The following CHN1 variants were observed in gnomAD, a reference collection of about 807,000 sequenced individuals.
CHN1 encodes the protein N-chimaerin.
CHN1 carries 37 observed loss-of-function variants against 59.5 expected under a neutral mutation model. The observed-to-expected ratio is 0.62, with a 90% confidence interval of 0.48 to 0.82. The LOEUF is 0.82. CHN1 is among the 40% of genes least tolerant of loss of function. The probability of loss-of-function intolerance (pLI) is 0.00; values close to 1 mark genes in which losing one functional copy is unlikely to be tolerated. For missense variants in CHN1, 469 were observed against 571.0 expected (o/e 0.82, Z 1.82); for synonymous variants, 206 against 200.4 (o/e 1.03, Z -0.24).
At chr2:174,957,603 G>C (rs561961622) in intron 1 of CHN1, among the ~76,000 whole-genome samples, 1 of 152,156 alleles carries the variant, frequency 6.6e-6, no homozygotes, top group East Asian at 1.9e-4. Context: ...TCAATCCTAA[G>C]GAGTATGACG....
intron 5 of CHN1, among the ~76,000 whole-genome samples, chr2:174,882,861 C>T (rs1687777920): frequency 6.6e-6 from 1 of 152,030 alleles, no homozygotes; most frequent in South Asian, 2.1e-4. Flanking sequence ...TTAAGTACTA[C>T]AAAATAAATT....
At chr2:174,886,609 G>A (rs763631182) in intron 5 of CHN1, among the ~76,000 whole-genome samples, 2 of 152,168 alleles carry the variant, frequency 1.3e-5, no homozygotes, top group South Asian at 4.1e-4. Context: ...ATAAAGGCAT[G>A]GGTTTTGTGA....
chr2:174,843,792 TAG>T (rs1352858440), intron 7 of CHN1, among the ~76,000 whole-genome samples: 2 of 152,048 alleles, frequency 1.3e-5, no homozygotes, highest in Non-Finnish European at 2.9e-5. Flanking sequence ...TTTTCCGATG[TAG>T]AGAGAGATTA....
At chr2:174,951,979 T>C (rs1690036495) in intron 2 of CHN1, among the ~76,000 whole-genome samples, 185 bp downstream of exon 2, 2 of 152,186 alleles carry the variant, frequency 1.3e-5, no homozygotes, top group South Asian at 2.1e-4. Context: ...CGGAAAACCA[T>C]ATACTGTACA....
intron 2 of CHN1, among the ~76,000 whole-genome samples, chr2:174,949,015 C>T (rs1175967913): frequency 6.6e-6 from 1 of 152,096 alleles, no homozygotes; most frequent in African/African-American, 2.4e-5. Context: ...TGAACAATGC[C>T]TACTACCTCA....
chr2:174,882,355 C>A (rs1017570761), intron 5 of CHN1, among the ~76,000 whole-genome samples: 15 of 152,138 alleles, frequency 9.9e-5, no homozygotes, highest in Admixed American at 8.5e-4. Context: ...AGATGCATTT[C>A]AAGATATACA....
chr2:174,911,607 G>A (rs1688703577), intron 5 of CHN1, among the ~76,000 whole-genome samples: 1 of 152,180 alleles, frequency 6.6e-6, no homozygotes, highest in Non-Finnish European at 1.5e-5. Flanking sequence ...CAAATGAAGA[G>A]CAAAAAATAT....
chr2:174,901,283 G>A (rs886332827), intron 5 of CHN1, among the ~76,000 whole-genome samples: 2 of 152,200 alleles, frequency 1.3e-5, no homozygotes, highest in African/African-American at 2.4e-5. Context: ...TCAGAGATGT[G>A]CACTGCAGCC....
At chr2:174,916,817 T>C (rs1276779197) in intron 4 of CHN1, among the ~76,000 whole-genome samples, 1 of 152,238 alleles carries the variant, frequency 6.6e-6, no homozygotes, top group Non-Finnish European at 1.5e-5. Flanking sequence ...CCCTTGCTAT[T>C]TAGCACGTTG....
At chr2:174,890,567 G>A (rs1395087060) in intron 5 of CHN1, among the ~76,000 whole-genome samples, 1 of 152,040 alleles carries the variant, frequency 6.6e-6, no homozygotes, top group East Asian at 1.9e-4. Flanking sequence ...GCACCTATTA[G>A]AGCACCCAAA....
At chr2:174,876,269 C>A (rs368769536) in intron 6 of CHN1, among the ~76,000 whole-genome samples, 1 of 152,166 alleles carries the variant, frequency 6.6e-6, no homozygotes, top group African/African-American at 2.4e-5. Context: ...TTGGAAAGCA[C>A]GTTCAGAATG....
chr2:175,001,895 T>C (rs1444289978), intron 1 of CHN1, among the ~76,000 whole-genome samples: 3 of 152,340 alleles, frequency 2.0e-5, no homozygotes, highest in African/African-American at 7.2e-5. Context: ...TATTCAAGGA[T>C]CTGAGACTTT....
intron 8 of CHN1, among the ~76,000 whole-genome samples, chr2:174,815,946 T>C (rs1372719720): frequency 6.6e-6 from 1 of 152,200 alleles, no homozygotes; most frequent in Non-Finnish European, 1.5e-5. Flanking sequence ...TGCAGTGCTA[T>C]TGTGCCTGCC....
At chr2:174,803,735 AT>A (rs1344342282) in intron 11 of CHN1, among the ~76,000 whole-genome samples, 1 of 151,854 alleles carries the variant, frequency 6.6e-6, no homozygotes, top group Non-Finnish European at 1.5e-5. Context: ...TTAATTTTTT[AT>A]GGAGACAAGG....
chr2:174,826,161 G>A (rs1053668691), intron 7 of CHN1, among the ~76,000 whole-genome samples: 3 of 152,162 alleles, frequency 2.0e-5, no homozygotes, highest in Non-Finnish European at 2.9e-5. Context: ...GTTTTATGGA[G>A]GAGGGTCAGG....
intron 8 of CHN1, among the ~76,000 whole-genome samples, chr2:174,814,457 C>T (rs1276817196): frequency 6.6e-6 from 1 of 152,184 alleles, no homozygotes; most frequent in Admixed American, 6.5e-5. Flanking sequence ...TCTCCTGTCT[C>T]CTGAATATTT....
intron 3 of CHN1, among the ~76,000 whole-genome samples, chr2:174,933,818 G>A (rs181313283): frequency 3.8e-4 from 58 of 152,302 alleles, no homozygotes; most frequent in Admixed American, 2.7e-3. Flanking sequence ...GTGAGGTTTA[G>A]TGTAGTGAAG....
chr2:175,002,515 G>T (rs1559018215), intron 1 of CHN1, among the ~76,000 whole-genome samples: 1 of 152,058 alleles, frequency 6.6e-6, no homozygotes, highest in African/African-American at 2.4e-5. Context: ...AATGTTAGAG[G>T]CTCCACTTTT....
chr2:174,929,512 A>T (rs1203404682), intron 3 of CHN1, among the ~76,000 whole-genome samples: 1 of 151,970 alleles, frequency 6.6e-6, no homozygotes, highest in East Asian at 1.9e-4. Context: ...CGGGAGTTGG[A>T]GGTTGCAGTG....
Sources: allele counts gnomAD v4.1 joint callset (sites outside exome capture counted in the v4.1 genomes callset), GRCh38; gene constraint gnomAD v4.1.1; transcripts MANE v1.5; gene names NCBI Gene and HGNC (gene_info 2026-07-23, HGNC 2026-07-21).